The following DCC variants were observed in gnomAD, a reference collection of about 807,000 sequenced individuals.
DCC encodes DCC netrin 1 receptor.
A neutral mutation model predicts 172.5 loss-of-function variants in DCC; 58 were observed. The observed-to-expected ratio is 0.34, with a 90% CI of 0.27 to 0.42. DCC has a LOEUF of 0.42. DCC is among the 10% of genes least tolerant of loss of function. The probability of loss-of-function intolerance (pLI) is 1.00; values close to 1 mark genes in which losing one functional copy is unlikely to be tolerated. For missense variants in DCC, 1,740 were observed against 1,791.0 expected (o/e 0.97, Z 0.51); for synonymous variants, 709 against 644.5 (o/e 1.10, Z -1.52).
Position 52,370,270 on chromosome 18 carries a change from A to G in DCC, c.91+29392A>G, listed in dbSNP as rs79586638. On this transcript the variant is annotated intron_variant, in intron 1 of 28. Coordinates refer to ENST00000442544, the MANE Select transcript of DCC (RefSeq NM_005215.4). Reference sequence around the variant, plus strand: ...ATAAATCATTCTATTATAAAGATAAATGCATGTGTATATTCATTGCAGCAC... The same window carrying G: ...ATAAATCATTCTATTATAAAGATAAGTGCATGTGTATATTCATTGCAGCAC... Among the ~76,000 whole-genome samples the G allele has an allele frequency of 3.6e-3, 545 of 152,328 alleles. 6 individuals carry two copies. Among genetic ancestry groups the G allele is most frequent in the African/African-American group, 0.012 (517 of 41,556 alleles).
intron 1 of DCC, among the ~76,000 whole-genome samples, chr18:52,741,524 C>A (rs149884734): frequency 1.1e-3 from 168 of 152,254 alleles, no homozygotes; most frequent in African/African-American, 3.9e-3. Context: ...GTTGTGACAA[C>A]CAGAAATGCC....
intron 1 of DCC, among the ~76,000 whole-genome samples, chr18:52,595,550 C>T (rs1382150293): frequency 2.6e-5 from 4 of 152,134 alleles, no homozygotes. Context: ...TCATTCAAAT[C>T]CGCACCCTCA....
chr18:52,716,933 G>A (rs2036393475), intron 1 of DCC, among the ~76,000 whole-genome samples: 1 of 152,156 alleles, frequency 6.6e-6, no homozygotes, highest in Non-Finnish European at 1.5e-5. Flanking sequence ...GCTCACAGAT[G>A]GGAGGCTAAA....
chr18:52,495,109 T>C (rs372547650), intron 1 of DCC, among the ~76,000 whole-genome samples: 2 of 152,202 alleles, frequency 1.3e-5, no homozygotes, highest in East Asian at 3.9e-4. Context: ...GCCCCTCCCC[T>C]GATGGGTCTC....
At chr18:52,784,284 G>A (rs552192592) in intron 2 of DCC, among the ~76,000 whole-genome samples, 1 of 151,972 alleles carries the variant, frequency 6.6e-6, no homozygotes, top group African/African-American at 2.4e-5. Context: ...ATTCTATTTT[G>A]TATTTTTATA....
At chr18:52,992,918 G>T (rs1448415745) in intron 5 of DCC, among the ~76,000 whole-genome samples, 3 of 151,372 alleles carry the variant, frequency 2.0e-5, no homozygotes, top group Non-Finnish European at 4.4e-5. Context: ...GGCAGAGCTT[G>T]CAGTGAGCCA....
chr18:53,017,421 T>C (rs2041824770), intron 5 of DCC, among the ~76,000 whole-genome samples: 1 of 152,208 alleles, frequency 6.6e-6, no homozygotes, highest in South Asian at 2.1e-4. Flanking sequence ...TAAAGTGGGT[T>C]ATTTTTAGTG....
At chr18:52,357,113 A>C (rs558956779) in intron 1 of DCC, among the ~76,000 whole-genome samples, 38 of 152,340 alleles carry the variant, frequency 2.5e-4, no homozygotes, top group African/African-American at 8.4e-4. Flanking sequence ...TCACCAGTAC[A>C]TATTGGACAC....
chr18:52,907,241 C>CATGATATGTCATGG (rs1555680298), intron 3 of DCC, among the ~76,000 whole-genome samples: 1 of 102,654 alleles, frequency 9.7e-6, no homozygotes, highest in African/African-American at 3.6e-5. Context: ...TGATAGATAT[C>CATGATATGTCATGG]ATATATACAT....
At chr18:52,707,422 TA>T (rs1239529806) in intron 1 of DCC, among the ~76,000 whole-genome samples, 1 of 152,192 alleles carries the variant, frequency 6.6e-6, no homozygotes, top group Non-Finnish European at 1.5e-5. Flanking sequence ...GAAAACTATA[TA>T]CAGCCATTAT....
chr18:53,459,500 T>G (rs749773952), intron 24 of DCC, 42 bp downstream of exon 24: 2 of 1,336,362 alleles, frequency 1.5e-6, no homozygotes, highest in Non-Finnish European at 2.1e-6. Flanking sequence ...CATACCATTC[T>G]GAACCCAAGG....
chr18:53,247,122 T>C (rs2056374477), intron 12 of DCC, among the ~76,000 whole-genome samples: 1 of 152,064 alleles, frequency 6.6e-6, no homozygotes, highest in African/African-American at 2.4e-5. Flanking sequence ...CATGAAACTA[T>C]ACACACAGTT....
rs1437559170 is a variant in DCC, at chr18:53,179,124, T to A, written c.1573+8T>A. 1 of 1,613,098 alleles carries A rather than the reference T, an allele frequency of 6.2e-7. No homozygotes were observed. Among genetic ancestry groups the A allele is most frequent in the South Asian group, 1.1e-5 (1 of 91,056 alleles). Reference sequence around the variant, plus strand: ...TGGCCACACAGCCTGAGTGTGAGTATGAAAAGGAACGGGCCACATTTAAAA... The same window carrying A: ...TGGCCACACAGCCTGAGTGTGAGTAAGAAAAGGAACGGGCCACATTTAAAA... On this transcript the variant is annotated splice_region_variant and intron_variant, in intron 9 of 28. Transcript: ENST00000442544.
intron 2 of DCC, among the ~76,000 whole-genome samples, chr18:52,786,817 A>C (rs975334379): frequency 5.3e-5 from 8 of 152,098 alleles, no homozygotes; most frequent in African/African-American, 1.7e-4. Context: ...GTCTTCCCCA[A>C]GGGGCTTTTA....
chr18:52,863,829 AG>A (rs2039180602), intron 2 of DCC, among the ~76,000 whole-genome samples: 1 of 152,048 alleles, frequency 6.6e-6, no homozygotes, highest in Non-Finnish European at 1.5e-5. Flanking sequence ...ACTGTCTGTT[AG>A]GCAAGTATCA....
At chr18:52,826,159 T>C (rs577956462) in intron 2 of DCC, among the ~76,000 whole-genome samples, 1 of 152,332 alleles carries the variant, frequency 6.6e-6, no homozygotes, top group East Asian at 1.9e-4. Flanking sequence ...CACCAGTTTG[T>C]AGATGATTTC....
chr18:53,318,392 T>A (rs1316133184), intron 13 of DCC, among the ~76,000 whole-genome samples: 1 of 152,178 alleles, frequency 6.6e-6, no homozygotes, highest in Non-Finnish European at 1.5e-5. Flanking sequence ...AGGAGTTTTT[T>A]TACCTCCAAT....
chr18:52,689,863 T>G (rs1435047515), intron 1 of DCC, among the ~76,000 whole-genome samples: 3 of 152,146 alleles, frequency 2.0e-5, no homozygotes, highest in Non-Finnish European at 4.4e-5. Context: ...TTACTTTCTC[T>G]TAGCTGCAGA....
intron 5 of DCC, among the ~76,000 whole-genome samples, chr18:52,933,046 T>C (rs761368116): frequency 6.6e-6 from 1 of 152,104 alleles, no homozygotes; most frequent in Non-Finnish European, 1.5e-5. Context: ...TTAAACATTA[T>C]TGTTTTGTAA....
Sources: allele counts gnomAD v4.1 joint callset (sites outside exome capture counted in the v4.1 genomes callset), GRCh38; gene constraint gnomAD v4.1.1; transcripts MANE v1.5; gene names NCBI Gene and HGNC (gene_info 2026-07-23, HGNC 2026-07-21).